BCL2L12: variants seen among roughly 807,000 people sequenced by gnomAD.
BCL2L12 encodes the protein bcl-2-like protein 12.
In BCL2L12, 27 loss-of-function variants were observed where a neutral mutation model predicts 25.7. The ratio of observed to expected loss-of-function variants is 1.05; its 90% CI spans 0.78 to 1.45. BCL2L12 has a LOEUF of 1.45. Among genes scored for constraint, BCL2L12 ranks in the 40% most tolerant of loss-of-function variants. The pLI, the probability that BCL2L12 is intolerant of heterozygous loss-of-function variation, is 0.00. For synonymous variants in BCL2L12, 132 were observed against 145.6 expected, an observed-to-expected ratio of 0.91 and a Z score of 0.67; for missense variants, 302 against 329.8, an observed-to-expected ratio of 0.92 and a Z score of 0.65.
chr19:49,669,513 G>A (rs2122844642), intron 5 of BCL2L12, among the ~76,000 whole-genome samples: 1 of 151,490 alleles, frequency 6.6e-6, no homozygotes, highest in South Asian at 2.1e-4. Flanking sequence ...TCCAGCCTGG[G>A]TGACAGAGTG....
rs2081934928 is a variant in BCL2L12 at position 49,670,376 on chromosome 19, C to CCCTA, written c.591_594dup (p.Ala199ProfsTer64). 1 of 1,578,830 alleles carries CCCTA rather than the reference C, an allele frequency of 6.3e-7. No homozygotes were observed. Among genetic ancestry groups the CCCTA allele is most frequent in the Non-Finnish European group, 8.6e-7 (1 of 1,164,760 alleles). On this transcript the variant is annotated frameshift_variant, in exon 6 of 7. Transcript: ENST00000246784. LOFTEE classifies it high-confidence loss of function. The stretch of plus-strand genomic sequence containing the variant: ...TCCCCGGAGCCCCTGGCCCGCCTGG[C>CCCTA]CCTAGCCATGGAGCTGAGCCGGCGC...
In BCL2L12 at chr19:49,673,481, C is replaced by T. The variant is rs189891668; in HGVS notation, c.703-217C>T. ...CTAATCCCACTCCAGTGTCCTGACC[C>T]TCCTCGAGCTCAACCTTTCCTCCTC... On this transcript the variant is annotated intron_variant, in intron 6 of 6. Coordinates refer to ENST00000246784, the MANE Select transcript of BCL2L12 (RefSeq NM_138639.2). 4.6e-5 allele frequency among the ~76,000 whole-genome samples: 7 copies of T among 152,222 alleles called. No homozygotes were observed. In the East Asian group the frequency reaches 9.7e-4, roughly 21 times the overall value.
rs1388735144 is a variant in BCL2L12 at position 49,666,021 on chromosome 19, G to A, written c.-55G>A. ...TAAAGTTTGTACGAGTTCAGTGGAG[G>A]AGACCGCAAGTTGAGTGGAGGAGGC... On this transcript the variant is annotated 5_prime_UTR_variant, in exon 1 of 7. Coordinates refer to ENST00000246784, the MANE Select transcript of BCL2L12 (RefSeq NM_138639.2). The A allele has an allele frequency of 1.9e-6, 3 of 1,578,466 alleles. No homozygotes were observed. Among genetic ancestry groups the A allele is most frequent in the Non-Finnish European group, 1.7e-6 (2 of 1,160,178 alleles).
chr19:49,666,965 G>A, intron 2 of BCL2L12, 54 bp from the exon 3 acceptor site: 1 of 1,589,332 alleles, frequency 6.3e-7, no homozygotes, highest in Admixed American at 1.8e-5. Context: ...TGGGGAAAGA[G>A]ACTGCTTGCA....
intron 6 of BCL2L12, among the ~76,000 whole-genome samples, chr19:49,673,387 C>T (rs1396396827): frequency 6.6e-6 from 1 of 151,902 alleles, no homozygotes; most frequent in Non-Finnish European, 1.5e-5. Context: ...CTGAATTGTT[C>T]AAATCCCAAG....
chr19:49,673,217 G>A (rs1327662893), intron 6 of BCL2L12, among the ~76,000 whole-genome samples: 1 of 151,860 alleles, frequency 6.6e-6, no homozygotes, highest in Non-Finnish European at 1.5e-5. Flanking sequence ...GAGTTTTCTC[G>A]GTGGGCCAGG....
At chr19:49,665,637 T>G, upstream of BCL2L12, 2 of 708,434 alleles carry the variant, frequency 2.8e-6, no homozygotes, top group Admixed American at 3.0e-5. Context: ...TTACCTACGA[T>G]GGAAGGTCGG....
chr19:49,666,433 C>G (rs1306908057), intron 1 of BCL2L12, among the ~76,000 whole-genome samples: 1 of 152,124 alleles, frequency 6.6e-6, no homozygotes, highest in Non-Finnish European at 1.5e-5. Flanking sequence ...GTCCAGGACC[C>G]CAGCTCCCTC....
At chr19:49,665,280 C>T (rs115732479), upstream of BCL2L12, 415 of 179,562 alleles carry the variant, frequency 2.3e-3, 2 homozygotes, top group African/African-American at 9.3e-3. Flanking sequence ...AGAAGATCTC[C>T]CAAAACATTT....
At position 49,665,946 on chromosome 19, in the gene BCL2L12, G is replaced by C. The variant is rs1280364071; in HGVS notation, c.-130G>C. On this transcript the variant is annotated 5_prime_UTR_variant, in exon 1 of 7. Coordinates refer to ENST00000246784, the MANE Select transcript of BCL2L12 (RefSeq NM_138639.2). The stretch of plus-strand genomic sequence containing the variant: ...CCAGCGTTCCGCCCTTTCTACGCTG[G>C]GCCGGTTATCGACCCGGCCCAGTGC... The C allele has an allele frequency of 6.2e-7, 1 of 1,613,570 alleles. No individual in the cohort carries two copies. The highest frequency in any genetic ancestry group is 1.3e-5 in the African/African-American group (1 of 74,928).
At position 49,670,352 on chromosome 19, in the gene BCL2L12, C is replaced by T. The variant is rs867028494; in HGVS notation, c.566C>T (p.Ser189Phe). ...GCATGCCCCGGGCCCCCGCCTCCTT[C>T]CCCGGAGCCCCTGGCCCGCCTGGCC... ...SRACPGPPPPSPEPLARLALA... is the reference protein window; with the variant it reads ...SRACPGPPPPFPEPLARLALA... The change falls in exon 6 of 7, where the codon TCC becomes TTC. Residue 189 changes from serine to phenylalanine, a missense_variant. By Grantham distance (155) the Ser-to-Phe change is radical (BLOSUM62 -2). Coordinates refer to ENST00000246784, the MANE Select transcript of BCL2L12 (RefSeq NM_138639.2). 6.3e-7 allele frequency: 1 copy of T among 1,594,474 alleles called. No homozygotes were observed. The highest frequency in any genetic ancestry group is 8.5e-7 in the Non-Finnish European group (1 of 1,172,176).
upstream of BCL2L12, chr19:49,665,834 C>A: frequency 6.3e-7 from 1 of 1,596,812 alleles, no homozygotes. Flanking sequence ...ATGGGACGGC[C>A]CGCTGGGCTG....
At position 49,670,486 on chromosome 19, in the gene BCL2L12, TG is replaced by T. The variant is rs1568478910; in HGVS notation, c.702+1del. On this transcript the variant is annotated frameshift_variant and splice_region_variant, in exon 6 of 7. Transcript: ENST00000246784. LOFTEE classifies it high-confidence loss of function. ...GCCCTGGATCCAGGCCCACGGGGGC[TG>T]GGTGAGCCGCTGAAGCCTCTCTCTC... The part of the protein sequence containing the change: ...FTPWIQAHGG[W>X]EGILAVSPVD... 2 of 1,537,512 alleles carry T rather than the reference TG, an allele frequency of 1.3e-6. No individual in the cohort carries two copies.
intron 6 of BCL2L12, among the ~76,000 whole-genome samples, chr19:49,671,291 C>T (rs1214060036): frequency 5.9e-5 from 9 of 151,868 alleles, no homozygotes; most frequent in Non-Finnish European, 1.2e-4. Context: ...GACATTCAGT[C>T]TCTACTAAAA....
At chr19:49,666,990 G>C in intron 2 of BCL2L12, 29 bp from the exon 3 acceptor site, 1 of 1,608,924 alleles carries the variant, frequency 6.2e-7, no homozygotes, top group South Asian at 1.1e-5. Context: ...ATCTCTGGTG[G>C]GGTCAGTCTC....
upstream of BCL2L12, chr19:49,665,675 T>C (rs563734774): frequency 3.8e-4 from 420 of 1,105,314 alleles, no homozygotes; most frequent in African/African-American, 3.8e-3. Context: ...AACCCACCCC[T>C]GTCTTGGAGC....
At chr19:49,665,728 G>T (rs1222598976), upstream of BCL2L12, 5 of 1,470,862 alleles carry the variant, frequency 3.4e-6, no homozygotes, top group East Asian at 6.9e-5. Flanking sequence ...CCCCTTTCCC[G>T]TCAGCTGAGC....
At chr19:49,667,248 G>A (rs2081824283) in intron 3 of BCL2L12, 87 bp downstream of exon 3, 5 of 1,547,376 alleles carry the variant, frequency 3.2e-6, no homozygotes, top group Non-Finnish European at 4.4e-6. Flanking sequence ...GGGTGGCTGT[G>A]TGGAGTCTCT....
Position 49,673,744 on chromosome 19 carries a change from A to G in BCL2L12, c.749A>G (p.Asp250Gly), listed in dbSNP as rs1276846172. ...VSPVDLNLPL[D>G] ...CCCGTGGACTTGAACTTGCCATTGGACTGAGCTCTTTCTCAGAAGCTGCTA... is the reference window on the plus strand; with the variant it reads ...CCCGTGGACTTGAACTTGCCATTGGGCTGAGCTCTTTCTCAGAAGCTGCTA... Residue 250 changes from aspartate to glycine, a missense_variant, in exon 7 of 7, where the codon GAC becomes GGC. Transcript: ENST00000246784. 12 of 1,613,878 alleles carry G rather than the reference A, an allele frequency of 7.4e-6. No individual in the cohort carries two copies. Among genetic ancestry groups the G allele is most frequent in the Non-Finnish European group, 1.0e-5 (12 of 1,179,976 alleles).
Sources: allele counts gnomAD v4.1 joint callset (sites outside exome capture counted in the v4.1 genomes callset), GRCh38; gene constraint gnomAD v4.1.1; transcripts MANE v1.5; gene names NCBI Gene and HGNC (gene_info 2026-07-23, HGNC 2026-07-21).